The following TIMM44 variants were observed in gnomAD, a reference collection of about 807,000 sequenced individuals.
TIMM44 encodes the protein translocase of inner mitochondrial membrane 44.
A neutral mutation model predicts 63.8 loss-of-function variants in TIMM44; 37 were observed. That is an observed-to-expected ratio of 0.58 (90% confidence interval 0.45 to 0.76). The LOEUF (loss-of-function observed/expected upper bound fraction) is 0.76, where lower values mean the gene tolerates loss of function less well. Among genes scored for constraint, TIMM44 ranks in the 30% least tolerant of loss-of-function variants. TIMM44 has a pLI of 0.00. For synonymous variants in TIMM44, 239 were observed against 245.1 expected (o/e 0.98, Z 0.23); for missense variants, 573 against 603.8 (o/e 0.95, Z 0.54).
At position 7,933,267 on chromosome 19, in the gene TIMM44, C is replaced by T. The variant is rs936303730; in HGVS notation, c.769+218G>A. On this transcript the variant is annotated intron_variant, in intron 7 of 12. Coordinates refer to ENST00000270538, the MANE Select transcript of TIMM44 (RefSeq NM_006351.4). This position sits in a 1 kb window ranked among gnomAD's most constrained non-coding sequence, Gnocchi z 4.3. ...AGGGACAGGGGCCTGCGGCTCGTTT[C>T]GGGGCCCTGACTGTGCTTATGAGGG... Among the ~76,000 whole-genome samples, 10 of 152,166 alleles carry T rather than the reference C, an allele frequency of 6.6e-5. No homozygotes were observed. The highest frequency in any genetic ancestry group is 2.1e-4 in the South Asian group (1 of 4,834).
intron 10 of TIMM44, among the ~76,000 whole-genome samples, chr19:7,930,825 AC>A (rs1171635517): frequency 6.6e-6 from 1 of 152,122 alleles, no homozygotes; most frequent in African/African-American, 2.4e-5. Context: ...CCCAGGGGAC[AC>A]CCCCAACCAG....
In TIMM44 at chr19:7,933,028, TC is replaced by T; in HGVS notation, c.770-97del. 2 of 1,003,622 alleles carry T rather than the reference TC, an allele frequency of 2.0e-6. No individual in the cohort carries two copies. The highest frequency in any genetic ancestry group is 1.5e-6 in the Non-Finnish European group (1 of 647,712). 62.2% of individuals were successfully genotyped at this position (1,003,622 alleles called of 1,614,324 possible). Reference sequence around the variant, plus strand: ...GAGGCTCCCTGTGACCCCTGCGGGATCCACCCTGACACGGGTGGGGTCAGGG... The same window carrying T: ...GAGGCTCCCTGTGACCCCTGCGGGATCACCCTGACACGGGTGGGGTCAGGG... On this transcript the variant is annotated intron_variant, in intron 7 of 12. Coordinates refer to ENST00000270538, the MANE Select transcript of TIMM44 (RefSeq NM_006351.4). This position sits in a 1 kb window ranked among gnomAD's most constrained non-coding sequence, Gnocchi z 4.3.
At chr19:7,942,475 C>G (rs1226669830) in intron 1 of TIMM44, among the ~76,000 whole-genome samples, 1 of 151,868 alleles carries the variant, frequency 6.6e-6, no homozygotes, top group South Asian at 2.1e-4. Flanking sequence ...CTGTTCAGCT[C>G]GGCACCCTGT....
Position 7,927,697 on chromosome 19 carries a change from A to G in TIMM44, c.1199T>C (p.Val400Ala), listed in dbSNP as rs1983853451. 1 of 1,613,432 alleles carries G rather than the reference A, an allele frequency of 6.2e-7. No homozygotes were observed. Among genetic ancestry groups the G allele is most frequent in the Middle Eastern group, 1.6e-4 (1 of 6,062 alleles). The change falls in exon 12 of 13, where the codon GTG becomes GCG. Residue 400 changes from valine to alanine, a missense_variant. Physicochemically the swap from Val to Ala is moderately conservative, Grantham distance 64. Coordinates refer to ENST00000270538, the MANE Select transcript of TIMM44 (RefSeq NM_006351.4). ...IITFQAQLVM[V>A]VRNPKGEVVE... ...CACCTCGCCTTTGGGGTTCCTGACCACCATCACCAGCTGTGCCTGGAAGGT... is the reference window on the plus strand; with the variant it reads ...CACCTCGCCTTTGGGGTTCCTGACCGCCATCACCAGCTGTGCCTGGAAGGT...
chr19:7,935,166 CCTT>C (rs1984113191), intron 3 of TIMM44, 21 bp from the exon 4 acceptor site: 3 of 1,453,828 alleles, frequency 2.1e-6, no homozygotes, highest in South Asian at 1.2e-5. Flanking sequence ...AGCGCTGTGT[CCTT>C]TTTTTTTTTT....
chr19:7,934,024 G>A lies in TIMM44; in HGVS notation c.544-21C>T, dbSNP rs754608940. The A allele has an allele frequency of 5.0e-6, 8 of 1,613,776 alleles. No individual in the cohort carries two copies. The highest frequency in any genetic ancestry group is 6.8e-6 in the Non-Finnish European group (8 of 1,179,990). On this transcript the variant is annotated intron_variant, in intron 5 of 12. Transcript: ENST00000270538. The surrounding 1 kb of genome is among the most constrained non-coding windows in gnomAD (Gnocchi z 5.3). ...ACCCCCTGCGAGGGAGGCACAGCGG[G>A]GCTGGGGTGGGTGTCTGGGTTCGGC...
intron 3 of TIMM44, among the ~76,000 whole-genome samples, chr19:7,936,732 C>T (rs955505720): frequency 1.3e-5 from 2 of 152,176 alleles, no homozygotes; most frequent in East Asian, 1.9e-4. Context: ...CTTTGGGAAG[C>T]TGAGACGGGC....
intron 3 of TIMM44, 22 bp from the exon 4 acceptor site, chr19:7,935,167 CTTTTTTTTT>C (rs753419157): frequency 2.0e-5 from 25 of 1,254,348 alleles, no homozygotes; most frequent in Non-Finnish European, 2.5e-5. Flanking sequence ...GCGCTGTGTC[CTTTTTTTTT>C]TTTTTTTTTT....
In TIMM44 at chr19:7,934,337, T is replaced by A; in HGVS notation, c.394-99A>T. On this transcript the variant is annotated intron_variant, in intron 4 of 12. Coordinates refer to ENST00000270538, the MANE Select transcript of TIMM44 (RefSeq NM_006351.4). The surrounding 1 kb of genome is among the most constrained non-coding windows in gnomAD (Gnocchi z 5.3). Reference sequence around the variant, plus strand: ...TTCCTGCCGGAGAGAAGGGCGGATCTGGTTCCCCGAGGCCGGCAGAGGCCT... The same window carrying A: ...TTCCTGCCGGAGAGAAGGGCGGATCAGGTTCCCCGAGGCCGGCAGAGGCCT... The A allele has an allele frequency of 6.5e-7, 1 of 1,528,390 alleles. No individual in the cohort carries two copies. Among genetic ancestry groups the A allele is most frequent in the Non-Finnish European group, 8.9e-7 (1 of 1,117,840 alleles). 94.7% of individuals were successfully genotyped at this position (1,528,390 alleles called of 1,614,324 possible).
chr19:7,940,744 G>A (rs1440251492), intron 2 of TIMM44, among the ~76,000 whole-genome samples: 2 of 152,052 alleles, frequency 1.3e-5, no homozygotes, highest in Non-Finnish European at 2.9e-5. Context: ...TGATCAAAGG[G>A]CTATCTTCTA....
rs1256570026 is a variant in TIMM44 at position 7,931,383 on chromosome 19, G to C, written c.988-195C>G. The C allele has an allele frequency of 7.9e-6, 5 of 634,564 alleles. No homozygotes were observed. The Admixed American group carries it at 1.3e-4, about 16-fold the overall frequency. The allele number at this position is 634,564 out of a possible 1,614,324, so 39.3% of individuals were successfully genotyped here. On this transcript the variant is annotated intron_variant, in intron 9 of 12. Transcript: ENST00000270538. The stretch of plus-strand genomic sequence containing the variant: ...CCGTCCCTGCTGGTGTCAGTGCCTG[G>C]CTCTGGCCTAGGCACAGGCGGAGGG...
In TIMM44 at chr19:7,927,177, G is replaced by C. The variant is rs753445633; in HGVS notation, c.*10C>G. ...ACCCAGGCCGGGGCTACCTGGCTCC[G>C]GCACCACACTCAGAGAATCTGCTCG... On this transcript the variant is annotated 3_prime_UTR_variant, in exon 13 of 13. Coordinates refer to ENST00000270538, the MANE Select transcript of TIMM44 (RefSeq NM_006351.4). 8 of 1,604,662 alleles carry C rather than the reference G, an allele frequency of 5.0e-6. No homozygotes were observed. The highest frequency in any genetic ancestry group is 4.0e-5 in the African/African-American group (3 of 74,874).
At chr19:7,932,514 A>G in intron 9 of TIMM44, 113 bp downstream of exon 9, 1 of 1,484,378 alleles carries the variant, frequency 6.7e-7, no homozygotes, top group Non-Finnish European at 9.2e-7. Flanking sequence ...CTCCTCAGAA[A>G]ACAGCCTCGG....
At chr19:7,932,510 A>T in intron 9 of TIMM44, 117 bp downstream of exon 9, 1 of 1,461,340 alleles carries the variant, frequency 6.8e-7, no homozygotes, top group Non-Finnish European at 9.4e-7. Context: ...CAGCCTCCTC[A>T]GAAAACAGCC....
intron 1 of TIMM44, among the ~76,000 whole-genome samples, chr19:7,942,662 CT>C (rs869229145): frequency 0.097 from 13,514 of 139,386 alleles, 657 homozygotes; most frequent in African/African-American, 0.16. Context: ...TTGAGGATAA[CT>C]TTTTTTTTTT....
rs765912829 is a variant in TIMM44 at position 7,934,020 on chromosome 19, G to A, written c.544-17C>T. 1.9e-6 allele frequency: 3 copies of A among 1,613,800 alleles called. No individual in the cohort carries two copies. Among genetic ancestry groups the A allele is most frequent in the South Asian group, 1.1e-5 (1 of 91,076 alleles). ...CTCCACCCCCTGCGAGGGAGGCACA[G>A]CGGGGCTGGGGTGGGTGTCTGGGTT... On this transcript the variant is annotated splice_polypyrimidine_tract_variant and intron_variant, in intron 5 of 12. Transcript: ENST00000270538. This position sits in a 1 kb window ranked among gnomAD's most constrained non-coding sequence, Gnocchi z 5.3.
In TIMM44 at chr19:7,933,455, T is replaced by G. The variant is rs536939729; in HGVS notation, c.769+30A>C. 1 of 1,601,936 alleles carries G rather than the reference T, an allele frequency of 6.2e-7. No homozygotes were observed. Among genetic ancestry groups the G allele is most frequent in the African/African-American group, 1.3e-5 (1 of 74,822 alleles). ...GGTCCACCAACTGCCCGGGACACAG[T>G]CACCTGCCCTCCAAGACACCTTCAC... On this transcript the variant is annotated intron_variant, in intron 7 of 12. Transcript: ENST00000270538. The surrounding 1 kb of genome is among the most constrained non-coding windows in gnomAD (Gnocchi z 4.3).
In TIMM44 at chr19:7,933,746, G is replaced by A. The variant is rs957850396; in HGVS notation, c.683+118C>T. The stretch of plus-strand genomic sequence containing the variant: ...CAAATTCGAGGGAGCCGGGAACCTT[G>A]GGCAGAAGGCAAACTCAAGAAACGG... On this transcript the variant is annotated intron_variant, in intron 6 of 12. Transcript: ENST00000270538. This position sits in a 1 kb window ranked among gnomAD's most constrained non-coding sequence, Gnocchi z 4.3. The A allele has an allele frequency of 7.3e-6, 11 of 1,509,382 alleles. No homozygotes were observed. The highest frequency in any genetic ancestry group is 1.0e-5 in the Non-Finnish European group (11 of 1,093,390). 93.5% of individuals were successfully genotyped at this position (1,509,382 alleles called of 1,614,324 possible). A position where few individuals can be genotyped will look rare whatever the true frequency, so the allele number is the denominator to read the frequency against.
rs1421712301 is a variant in TIMM44 at position 7,943,558 on chromosome 19, G to A, written c.45+49C>T. 31 of 1,555,028 alleles carry A rather than the reference G, an allele frequency of 2.0e-5. No individual in the cohort carries two copies. The highest frequency in any genetic ancestry group is 6.8e-5 in the African/African-American group (5 of 73,452). ...GAGAAGAAAGCCTTGGTGGCCGAAG[G>A]CCCAGAAGACCCCTAAGCTCGCCCT... On this transcript the variant is annotated intron_variant, in intron 1 of 12. Transcript: ENST00000270538. The surrounding 1 kb of genome is among the most constrained non-coding windows in gnomAD (Gnocchi z 4.3).
Sources: allele counts gnomAD v4.1 joint callset (sites outside exome capture counted in the v4.1 genomes callset), GRCh38; gene constraint gnomAD v4.1.1; non-coding constraint Gnocchi (gnomAD v3.1); transcripts MANE v1.5; gene names NCBI Gene and HGNC (gene_info 2026-07-23, HGNC 2026-07-21).